PAN3: variants seen among roughly 807,000 people sequenced by gnomAD.
PAN3 encodes the protein PAN2-PAN3 deadenylation complex subunit PAN3.
PAN3 carries 19 observed loss-of-function variants against 96.2 expected under a neutral mutation model. That is an observed-to-expected ratio of 0.20 (90% CI 0.14 to 0.29). The LOEUF is 0.29. Ranked by LOEUF, PAN3 falls within the 10% of genes least tolerant of loss-of-function variation. The probability of loss-of-function intolerance (pLI) is 1.00; values close to 1 mark genes in which losing one functional copy is unlikely to be tolerated. For missense variants in PAN3, 882 were observed against 1,108.1 expected (o/e 0.80, Z 2.90); for synonymous variants, 433 against 406.6 (o/e 1.06, Z -0.78).
intron 18 of PAN3, among the ~76,000 whole-genome samples, chr13:28,288,858 T>TCA (rs1869323169): frequency 1.4e-5 from 2 of 138,156 alleles, no homozygotes; most frequent in Admixed American, 7.2e-5. Flanking sequence ...TGAGACGGAG[T>TCA]CTCTGTCACC....
intron 6 of PAN3, among the ~76,000 whole-genome samples, chr13:28,249,510 G>A (rs936528291): frequency 2.6e-5 from 4 of 151,788 alleles, no homozygotes; most frequent in Non-Finnish European, 5.9e-5. Context: ...GTACAGTGGC[G>A]TGACCTCGGC....
chr13:28,144,452 T>C (rs984946244), intron 1 of PAN3, among the ~76,000 whole-genome samples: 1 of 151,896 alleles, frequency 6.6e-6, no homozygotes, highest in African/African-American at 2.4e-5. Context: ...CCTGACCTCA[T>C]GATCCACCTG....
chr13:28,203,441 C>CT (rs1878975979), intron 5 of PAN3, among the ~76,000 whole-genome samples: 2 of 152,018 alleles, frequency 1.3e-5, no homozygotes, highest in African/African-American at 4.8e-5. Context: ...GTAGCTGGGA[C>CT]TACAGGTATG....
Position 28,292,436 on chromosome 13 carries a change from G to T in PAN3, c.2578G>T (p.Val860Leu). ...CCTGATTTCCAGAGATGAGAAGAGT[G>T]TACTTGTGGTGACCTACAGTGACTT... ...ISLISRDEKSVLVVTYSDLKR... is the reference protein window; with the variant it reads ...ISLISRDEKSLLVVTYSDLKR... Residue 860 changes from valine to leucine, a missense_variant, in exon 19 of 19, where the codon GTA becomes TTA. Val to Leu is a conservative substitution (Grantham distance 32, BLOSUM62 1). Around this residue, in one of 3 missense-constraint regions of PAN3, gnomAD observed 76 missense variants for 171.7 expected, o/e 0.44. Coordinates refer to ENST00000380958, the MANE Select transcript of PAN3 (RefSeq NM_175854.8). 1.9e-6 allele frequency: 3 copies of T among 1,612,048 alleles called. No individual in the cohort carries two copies. The highest frequency in any genetic ancestry group is 2.5e-6 in the Non-Finnish European group (3 of 1,179,272).
chr13:28,240,639 G>A (rs1328210353), intron 6 of PAN3, among the ~76,000 whole-genome samples: 1 of 152,142 alleles, frequency 6.6e-6, no homozygotes, highest in African/African-American at 2.4e-5. Context: ...TTAGACAAAT[G>A]AGTTTGCAGA....
chr13:28,142,823 A>G (rs1052936702), intron 1 of PAN3, among the ~76,000 whole-genome samples: 1 of 152,198 alleles, frequency 6.6e-6, no homozygotes, highest in Non-Finnish European at 1.5e-5. Flanking sequence ...AGAGCTGTTG[A>G]TAGAGCATAA....
rs750807429 is a variant in PAN3, at chr13:28,280,801, TC to T, written c.2319+262del. 7.2e-5 allele frequency among the ~76,000 whole-genome samples: 11 copies of T among 152,130 alleles called. No homozygotes were observed. In the East Asian group the frequency reaches 2.1e-3, roughly 29 times the overall value. On this transcript the variant is annotated intron_variant, in intron 16 of 18. Transcript: ENST00000380958. ...GTCTTGAGCTCCTGAGCTCAAGTGA[TC>T]CGCCCGCCTCAGCCTCCCAAAGTGC... is the stretch of plus-strand genomic sequence containing the variant.
intron 4 of PAN3, among the ~76,000 whole-genome samples, chr13:28,189,962 A>G (rs914055279): frequency 2.0e-5 from 3 of 152,146 alleles, no homozygotes; most frequent in Admixed American, 2.0e-4. Context: ...TTTACTTTTG[A>G]GACAGAGTCT....
In PAN3 at chr13:28,281,904, G is replaced by A. The variant is rs554848099; in HGVS notation, c.2384+525G>A. ...TCCTGCTTCAGCCTCCCAAGTAGCT[G>A]GGACTACAGGTGTGCACCACCATAC... On this transcript the variant is annotated intron_variant, in intron 17 of 18. Coordinates refer to ENST00000380958, the MANE Select transcript of PAN3 (RefSeq NM_175854.8). Among the ~76,000 whole-genome samples the A allele has an allele frequency of 4.6e-5, 7 of 152,068 alleles. No individual in the cohort carries two copies. In the South Asian group the frequency reaches 1.5e-3, roughly 32 times the overall value.
At chr13:28,176,812 A>G (rs910780849) in intron 3 of PAN3, among the ~76,000 whole-genome samples, 10 of 152,034 alleles carry the variant, frequency 6.6e-5, no homozygotes, top group African/African-American at 2.2e-4. Context: ...TTTGAAACCA[A>G]CTTGGGCAAT....
rs529175726 is a variant in PAN3, at chr13:28,270,163, C to G, written c.1793-538C>G. The stretch of plus-strand genomic sequence containing the variant: ...CTGATTTACAACATATTAACAATGA[C>G]CTAGAAAATATTATCAAAAACCACT... On this transcript the variant is annotated intron_variant, in intron 12 of 18. Coordinates refer to ENST00000380958, the MANE Select transcript of PAN3 (RefSeq NM_175854.8). Among the ~76,000 whole-genome samples the G allele has an allele frequency of 4.6e-5, 7 of 152,238 alleles. No individual in the cohort carries two copies. In the South Asian group the frequency reaches 1.5e-3, roughly 32 times the overall value.
At chr13:28,286,436 T>C (rs1868980392) in intron 17 of PAN3, among the ~76,000 whole-genome samples, 1 of 152,210 alleles carries the variant, frequency 6.6e-6, no homozygotes, top group Admixed American at 6.5e-5. Context: ...GTTTGCTGTT[T>C]ATAGAACCTT....
chr13:28,238,956 G>A (rs45439301), intron 6 of PAN3, among the ~76,000 whole-genome samples: 1,551 of 151,854 alleles, frequency 0.01, 23 homozygotes, highest in African/African-American at 0.035. Context: ...CACTATTTGA[G>A]GTCTTGAAAC....
chr13:28,152,466 C>A (rs1871487266), intron 1 of PAN3, among the ~76,000 whole-genome samples: 1 of 151,936 alleles, frequency 6.6e-6, no homozygotes, highest in Non-Finnish European at 1.5e-5. Context: ...CGCCTGTAAT[C>A]CCAGCTACTC....
intron 2 of PAN3, among the ~76,000 whole-genome samples, chr13:28,175,013 C>T (rs1874780105): frequency 6.6e-6 from 1 of 151,966 alleles, no homozygotes; most frequent in African/African-American, 2.4e-5. Flanking sequence ...CATATGACTG[C>T]ATGCAATGCT....
At chr13:28,242,297 A>T (rs1471965824) in intron 6 of PAN3, among the ~76,000 whole-genome samples, 1 of 152,164 alleles carries the variant, frequency 6.6e-6, no homozygotes, top group East Asian at 1.9e-4. Context: ...AGGCAATTTG[A>T]TGATGATAGC....
rs181600772 is a variant in PAN3, at chr13:28,207,114, C to T, written c.852+9768C>T. On this transcript the variant is annotated intron_variant, in intron 5 of 18. Transcript: ENST00000380958. The stretch of plus-strand genomic sequence containing the variant: ...AATAAAATGAACGCTGTATATTTTT[C>T]TTCAAACCTGTTTTTCATTTACACA... 1.4e-4 allele frequency among the ~76,000 whole-genome samples: 21 copies of T among 152,222 alleles called. No individual in the cohort carries two copies. In the East Asian group the frequency reaches 3.9e-3, roughly 28 times the overall value.
intron 9 of PAN3, among the ~76,000 whole-genome samples, chr13:28,264,144 TATAG>T (rs1036431965): frequency 2.0e-5 from 3 of 152,188 alleles, no homozygotes; most frequent in African/African-American, 7.2e-5. Flanking sequence ...TAAACTGATC[TATAG>T]ATTCAGTAGT....
In PAN3 at chr13:28,139,040, C is replaced by T; in HGVS notation, c.383C>T (p.Ala128Val). The T allele has an allele frequency of 7.8e-7, 1 of 1,275,808 alleles. No homozygotes were observed. Among genetic ancestry groups the T allele is most frequent in the Non-Finnish European group, 9.9e-7 (1 of 1,011,822 alleles). The allele number at this position is 1,275,808 out of a possible 1,614,324, so 79.0% of individuals were successfully genotyped here. ...GGGGACCCGGGGACCGGAGCCGCAG[C>T]CGGCGGAGGAGGCAGTAGCGGGGGA... Reference protein sequence around the residue: ...DLGDPGTGAAAGGGGSSGGLD... With the variant: ...DLGDPGTGAAVGGGGSSGGLD... The change falls in exon 1 of 19, where the codon GCC becomes GTC. Residue 128 changes from alanine (A) to valine (V), a missense_variant. Coordinates refer to ENST00000380958, the MANE Select transcript of PAN3 (RefSeq NM_175854.8).
Sources: allele counts gnomAD v4.1 joint callset (sites outside exome capture counted in the v4.1 genomes callset), GRCh38; gene constraint gnomAD v4.1.1; regional missense constraint gnomAD v4.1.1; transcripts MANE v1.5; gene names NCBI Gene and HGNC (gene_info 2026-07-23, HGNC 2026-07-21).